Variants in ZC4H2 observed in about 807,000 individuals in gnomAD.
ZC4H2 encodes zinc finger C4H2 domain-containing protein.
For synonymous variants in ZC4H2, 84 were observed against 66.3 expected (o/e 1.27, Z -1.30); for missense variants, 137 against 173.9 (o/e 0.79, Z 1.19).
At chrX:64,946,905 C>T (rs1291745997) in intron 1 of ZC4H2, among the ~76,000 whole-genome samples, 2 of 111,223 alleles carry the variant, frequency 1.8e-5, no homozygotes, top group African/African-American at 3.3e-5. Flanking sequence ...TTTTTCTCTT[C>T]TTCCTCGAGT....
chrX:64,940,256 G>A (rs1320014749), intron 1 of ZC4H2, among the ~76,000 whole-genome samples: 1 of 111,554 alleles, frequency 9.0e-6, no homozygotes, highest in East Asian at 2.8e-4. Context: ...TAATGGGGTT[G>A]GTTTTTTCTA....
intron 1 of ZC4H2, among the ~76,000 whole-genome samples, chrX:64,992,637 C>T (rs1042355522): frequency 9.0e-6 from 1 of 111,483 alleles, no homozygotes; most frequent in African/African-American, 3.3e-5. Context: ...TGCTCTGCCT[C>T]ATGGTGTGCC....
chrX:64,945,273 T>A (rs1173150977), intron 1 of ZC4H2, among the ~76,000 whole-genome samples: 1 of 112,562 alleles, frequency 8.9e-6, no homozygotes, highest in Admixed American at 9.4e-5. Context: ...TGTGTGGGCA[T>A]CCTTTATGTC....
upstream of ZC4H2, among the ~76,000 whole-genome samples, chrX:64,977,760 C>G: frequency 8.9e-6 from 1 of 111,915 alleles, no homozygotes; most frequent in Non-Finnish European, 1.9e-5. Context: ...CTCAGCCTCC[C>G]AAAAGTGCTG....
intron 1 of ZC4H2, among the ~76,000 whole-genome samples, chrX:65,026,570 G>A (rs957898901): frequency 7.2e-5 from 8 of 110,780 alleles, no homozygotes; most frequent in African/African-American, 9.9e-5. Flanking sequence ...TTAGCCAGGC[G>A]TGGTGGTGGA....
intron 1 of ZC4H2, among the ~76,000 whole-genome samples, chrX:64,970,448 C>T (rs1931739252): frequency 1.1e-5 from 1 of 94,616 alleles, no homozygotes; most frequent in African/African-American, 4.0e-5. Context: ...CCAAGACTGC[C>T]ACACCAATGG....
In ZC4H2 at chrX:64,919,549, CT is replaced by C. The variant is rs1220290100; in HGVS notation, c.399-346del. The C allele has an allele frequency of 3.0e-5, 5 of 166,192 alleles. No homozygotes were observed. The East Asian group carries it at 6.8e-4, about 22-fold the overall frequency. The allele number at this position is 166,192 out of a possible 1,213,427, so 13.7% of individuals were successfully genotyped here. On this transcript the variant is annotated intron_variant, in intron 3 of 4. Transcript: ENST00000374839. ...GTGACATATCTCTAAGAGTAGGAAG[CT>C]CACAAACTCCACAGACACCTTGCTC... is the stretch of plus-strand genomic sequence containing the variant.
intron 2 of ZC4H2, 103 bp from the exon 3 acceptor site, chrX:64,920,356 C>A: frequency 1.1e-6 from 1 of 914,913 alleles, no homozygotes. Context: ...CTTGTTCAGT[C>A]TATATTCAAG....
chrX:65,024,626 G>A lies in ZC4H2; in HGVS notation c.-272+10003C>T, dbSNP rs374857456. Reference sequence around the variant, plus strand: ...TAATCGCCACACTATTCACAATACCGAAGACATGGAATCAATCCAGGTGCT... The same window carrying A: ...TAATCGCCACACTATTCACAATACCAAAGACATGGAATCAATCCAGGTGCT... On this transcript the variant is annotated intron_variant, in intron 1 of 4. Coordinates refer to the ZC4H2 transcript ENST00000337990. Among the ~76,000 whole-genome samples, 22 of 111,446 alleles carry A rather than the reference G, an allele frequency of 2.0e-4. No homozygotes were observed. The East Asian group carries it at 4.5e-3, about 23-fold the overall frequency.
chrX:64,920,067 G>A lies in ZC4H2; in HGVS notation c.398+14C>T. The stretch of plus-strand genomic sequence containing the variant: ...GGGAGGGTATGTTGTAGGGACTGGG[G>A]GCAGGTAGCTTACTCCAAGGAAAGC... On this transcript the variant is annotated intron_variant, in intron 3 of 4. Coordinates refer to ENST00000374839, the MANE Select transcript of ZC4H2 (RefSeq NM_018684.4). 1 of 1,206,637 alleles carries A rather than the reference G, an allele frequency of 8.3e-7. No individual in the cohort carries two copies. Among genetic ancestry groups the A allele is most frequent in the Admixed American group, 2.2e-5 (1 of 45,655 alleles).
intron 1 of ZC4H2, among the ~76,000 whole-genome samples, chrX:65,017,908 C>T (rs779931410): frequency 8.9e-6 from 1 of 112,057 alleles, no homozygotes; most frequent in East Asian, 2.8e-4. Flanking sequence ...GTATGCCTGT[C>T]AATTTGTGCT....
rs376276988 is a variant in ZC4H2 at position 64,937,378 on chromosome X, C to T, written c.54-15390G>A. On this transcript the variant is annotated intron_variant, in intron 1 of 4. Coordinates refer to ENST00000374839, the MANE Select transcript of ZC4H2 (RefSeq NM_018684.4). ...CCACTGTCAATATTAGACAGATCAA[C>T]GAAAAAGAGAATTAACAAGAATATT... Among the ~76,000 whole-genome samples, 117 of 110,629 alleles carry T rather than the reference C, an allele frequency of 1.1e-3. No individual in the cohort carries two copies. The South Asian group carries it at 0.014, about 13-fold the overall frequency.
chrX:64,947,592 T>G (rs750115923), intron 1 of ZC4H2, among the ~76,000 whole-genome samples: 340 of 112,771 alleles, frequency 3.0e-3, no homozygotes, highest in Middle Eastern at 9.2e-3. Context: ...TAAATATGGC[T>G]GAGAAAGACT....
intron 1 of ZC4H2, among the ~76,000 whole-genome samples, chrX:64,928,531 TA>T (rs1282820429): frequency 2.7e-5 from 3 of 111,778 alleles, no homozygotes; most frequent in Non-Finnish European, 5.7e-5. Flanking sequence ...TGCAGACTTG[TA>T]GTATAGTATA....
chrX:64,965,448 C>A (rs945771584), intron 1 of ZC4H2: 2 of 321,682 alleles, frequency 6.2e-6, no homozygotes, highest in South Asian at 5.5e-5. Context: ...ATCCTTAACC[C>A]GTACCTTGCA....
chrX:64,959,790 T>G (rs188352461), intron 1 of ZC4H2, among the ~76,000 whole-genome samples: 209 of 110,797 alleles, frequency 1.9e-3, no homozygotes, highest in African/African-American at 6.5e-3. Context: ...CACAACTGTA[T>G]CCTGGCCAAC....
chrX:64,941,726 C>T (rs1017174207), intron 1 of ZC4H2, among the ~76,000 whole-genome samples: 2 of 112,268 alleles, frequency 1.8e-5, no homozygotes, highest in African/African-American at 6.5e-5. Context: ...ACTAGCCTTG[C>T]ATCCCAGGGA....
chrX:64,986,507 C>T (rs1047687827), intron 1 of ZC4H2, among the ~76,000 whole-genome samples: 4 of 111,931 alleles, frequency 3.6e-5, no homozygotes, highest in Admixed American at 1.9e-4. Flanking sequence ...AAGTGGCAAG[C>T]CATAGTTCAG....
At chrX:64,994,126 T>C (rs1473913343) in intron 1 of ZC4H2, among the ~76,000 whole-genome samples, 2 of 112,613 alleles carry the variant, frequency 1.8e-5, no homozygotes, top group African/African-American at 6.5e-5. Context: ...TGCATGATGA[T>C]TCATCATTAA....
Sources: gnomAD v4.1 joint callset for allele counts (sites outside exome capture counted in the v4.1 genomes callset) on GRCh38, gnomAD v4.1.1 for gene constraint, MANE v1.5 for transcripts, NCBI Gene and HGNC (gene_info 2026-07-23, HGNC 2026-07-21) for gene names.